LAMA3: variants seen among roughly 807,000 people sequenced by gnomAD.
The protein encoded by LAMA3 is laminin subunit alpha 3, also known as laminin subunit alpha-3.
In LAMA3, 281 loss-of-function variants were observed where a neutral mutation model predicts 402.0. That is an observed-to-expected ratio of 0.70 (90% CI 0.63 to 0.77). LAMA3 has a LOEUF of 0.77. LAMA3 is among the 30% of genes least tolerant of loss of function. The probability of loss-of-function intolerance (pLI) is 0.00; values close to 1 mark genes in which losing one functional copy is unlikely to be tolerated. For synonymous variants in LAMA3, 1,431 were observed against 1,558.4 expected, an observed-to-expected ratio of 0.92 and a Z score of 1.93; for missense variants, 3,840 against 4,215.5, an observed-to-expected ratio of 0.91 and a Z score of 2.47.
chr18:23,928,483 T>C, intron 63 of LAMA3, 142 bp from the exon 64 acceptor site: 2 of 913,062 alleles, frequency 2.2e-6, no homozygotes, highest in South Asian at 1.4e-5. Flanking sequence ...TGACTTATTA[T>C]GCAGAAAAGT....
At chr18:23,886,978 G>A (rs932932026) in intron 41 of LAMA3, among the ~76,000 whole-genome samples, 3 of 152,226 alleles carry the variant, frequency 2.0e-5, no homozygotes, top group Non-Finnish European at 4.4e-5. Context: ...CAGCTAAGGA[G>A]CCCAATTCTA....
At chr18:23,876,720 C>T (rs1266451865) in intron 39 of LAMA3, among the ~76,000 whole-genome samples, 1 of 152,164 alleles carries the variant, frequency 6.6e-6, no homozygotes, top group African/African-American at 2.4e-5. Context: ...CAAAACTAAT[C>T]CAAGCCACTA....
Position 23,846,535 on chromosome 18 carries a change from G to C in LAMA3, c.3931+27G>C, listed in dbSNP as rs143594679. 42 of 1,584,680 alleles carry C rather than the reference G, an allele frequency of 2.7e-5. No individual in the cohort carries two copies. In the East Asian group the frequency reaches 8.6e-4, roughly 33 times the overall value. ...TAAGTGCACGTTTCCCATCACCCAA[G>C]TTCTGCTCTGGTCCCGTGTGGATGA... On this transcript the variant is annotated intron_variant, in intron 31 of 74. Transcript: ENST00000313654.
rs769094915 is a variant in LAMA3 at position 23,898,946 on chromosome 18, T to C, written c.5725-8T>C. 11 of 1,609,540 alleles carry C rather than the reference T, an allele frequency of 6.8e-6. No individual in the cohort carries two copies. In the Admixed American group the frequency reaches 8.3e-5, roughly 12 times the overall value. On this transcript the variant is annotated splice_region_variant and splice_polypyrimidine_tract_variant and intron_variant, in intron 45 of 74. Coordinates refer to ENST00000313654, the MANE Select transcript of LAMA3 (RefSeq NM_198129.4). ...AATTTGCTGCTAATCAATTTATTTT[T>C]CATATAGGCTCAAGTAAATTCCAGA...
At position 23,689,512 on chromosome 18, in the gene LAMA3, C is replaced by A. The variant is rs1370292509; in HGVS notation, c.-172C>A. 1.1e-5 allele frequency: 6 copies of A among 540,378 alleles called. No individual in the cohort carries two copies. Among genetic ancestry groups the A allele is most frequent in the African/African-American group, 2.0e-5 (1 of 50,580 alleles). The allele number at this position is 540,378 out of a possible 1,614,324, so 33.5% of individuals were successfully genotyped here. ...GGCAGGTTCCAGAGCTGAGAGGCCA[C>A]CCCCACGCCGCGGGCTTCCAGCGCG... On this transcript the variant is annotated 5_prime_UTR_variant, in exon 1 of 75. Coordinates refer to ENST00000313654, the MANE Select transcript of LAMA3 (RefSeq NM_198129.4).
intron 7 of LAMA3, among the ~76,000 whole-genome samples, chr18:23,762,587 CA>C (rs749969696): frequency 1.2e-3 from 161 of 137,656 alleles, no homozygotes; most frequent in Non-Finnish European, 9.5e-4. Flanking sequence ...AGACTGTCAC[CA>C]AAAAAAAAAA....
At chr18:23,826,581 A>G (rs2144451708) in intron 21 of LAMA3, 121 bp from the exon 22 acceptor site, 1 of 757,324 alleles carries the variant, frequency 1.3e-6, no homozygotes, top group South Asian at 1.5e-5. Context: ...GTTGATATGG[A>G]GAGTTTAACT....
intron 60 of LAMA3, 66 bp downstream of exon 60, chr18:23,916,761 C>G (rs776691782): frequency 9.2e-6 from 14 of 1,527,574 alleles, no homozygotes; most frequent in East Asian, 2.2e-5. Flanking sequence ...TTGGAGATAA[C>G]TGGGTTGTTA....
intron 33 of LAMA3, 132 bp downstream of exon 33, chr18:23,858,120 TTA>T (rs2064128827): frequency 9.1e-7 from 1 of 1,097,582 alleles, no homozygotes; most frequent in Non-Finnish European, 1.3e-6. Context: ...ATGTAGCATT[TTA>T]TAGTCACGAT....
intron 11 of LAMA3, among the ~76,000 whole-genome samples, chr18:23,783,359 A>G (rs1480410372): frequency 7.2e-5 from 11 of 151,934 alleles, no homozygotes; most frequent in Non-Finnish European, 1.6e-4. Flanking sequence ...AAAGGAGGAA[A>G]GTGGGGGGGC....
At chr18:23,903,236 T>C in intron 49 of LAMA3, 111 bp downstream of exon 49, 1 of 735,496 alleles carries the variant, frequency 1.4e-6, no homozygotes. Context: ...TATAGTCTCT[T>C]AGATGGAAGA....
At chr18:23,771,842 A>G (rs1199785613) in intron 8 of LAMA3, among the ~76,000 whole-genome samples, 1 of 152,218 alleles carries the variant, frequency 6.6e-6, no homozygotes, top group Non-Finnish European at 1.5e-5. Flanking sequence ...TTGAAAGAAA[A>G]GAGTAATGAA....
At position 23,841,894 on chromosome 18, in the gene LAMA3, C is replaced by T. The variant is rs142896760; in HGVS notation, c.3337-501C>T. Among the ~76,000 whole-genome samples, 985 of 152,020 alleles carry T rather than the reference C, an allele frequency of 6.5e-3. 9 individuals are homozygous for T. Among genetic ancestry groups the T allele is most frequent in the Non-Finnish European group, 9.4e-3 (637 of 68,000 alleles). On this transcript the variant is annotated intron_variant, in intron 27 of 74. Coordinates refer to ENST00000313654, the MANE Select transcript of LAMA3 (RefSeq NM_198129.4). The stretch of plus-strand genomic sequence containing the variant: ...CTATGGTTGCCCCACTGCCCTCCAG[C>T]CTGGGTGACAGAGTGAGACCTCGTC...
chr18:23,844,080 G>A (rs916779622), intron 29 of LAMA3, among the ~76,000 whole-genome samples: 4 of 152,210 alleles, frequency 2.6e-5, no homozygotes, highest in Non-Finnish European at 5.9e-5. Flanking sequence ...GACAAGGGCT[G>A]CATCTGTTCA....
intron 59 of LAMA3, 44 bp from the exon 60 acceptor site, chr18:23,916,492 ACACTGGCATGGTGAT>A: frequency 6.3e-7 from 1 of 1,581,864 alleles, no homozygotes; most frequent in Non-Finnish European, 8.7e-7. Context: ...ATTAATAAGC[ACACTGGCATGGTGAT>A]CATTTGCTGC....
At chr18:23,763,338 T>C (rs961801709) in intron 7 of LAMA3, 67 bp from the exon 8 acceptor site, 1 of 1,007,254 alleles carries the variant, frequency 9.9e-7, no homozygotes, top group African/African-American at 1.6e-5. Flanking sequence ...AGTAATACTA[T>C]TTACGCTATT....
intron 2 of LAMA3, among the ~76,000 whole-genome samples, chr18:23,725,498 A>C (rs1036705009): frequency 2.2e-4 from 33 of 152,238 alleles, no homozygotes; most frequent in African/African-American, 7.7e-4. Context: ...CTGCTGAGTC[A>C]CTGGGGGTGT....
At chr18:23,844,636 T>C (rs1568246842) in intron 29 of LAMA3, among the ~76,000 whole-genome samples, 1 of 152,220 alleles carries the variant, frequency 6.6e-6, no homozygotes, top group Non-Finnish European at 1.5e-5. Context: ...TAAATCCTGA[T>C]TCATTTGGTC....
In LAMA3 at chr18:23,871,431, G is replaced by A; in HGVS notation, c.4768G>A (p.Gly1590Arg). 1 of 1,614,034 alleles carries A rather than the reference G, an allele frequency of 6.2e-7. No individual in the cohort carries two copies. The highest frequency in any genetic ancestry group is 8.5e-7 in the Non-Finnish European group (1 of 1,179,916). The change falls in exon 38 of 75, where the codon GGA becomes AGA. Residue 1590 changes from glycine (G) to arginine (R), a missense_variant and splice_region_variant. Around this residue, in one of 3 missense-constraint regions of LAMA3, gnomAD observed 2,109 missense variants for 2,376.0 expected, o/e 0.89. Coordinates refer to ENST00000313654, the MANE Select transcript of LAMA3 (RefSeq NM_198129.4). ...CCTGACTTTCTGTTTCCATGTGTAG[G>A]GAAACTTCAGACATGCCAGCAGCCG... ...LHHGRVHVVEGNFRHASSRAP... is the reference protein window; with the variant it reads ...LHHGRVHVVERNFRHASSRAP...
Sources: gnomAD v4.1 joint callset for allele counts (sites outside exome capture counted in the v4.1 genomes callset) on GRCh38, gnomAD v4.1.1 for gene constraint, gnomAD v4.1.1 regional missense constraint, MANE v1.5 for transcripts, NCBI Gene and HGNC (gene_info 2026-07-23, HGNC 2026-07-21) for gene names.